Variants in COL28A1 observed in about 807,000 individuals in gnomAD.
The protein encoded by COL28A1 is collagen alpha-1(XXVIII) chain.
A neutral mutation model predicts 150.2 loss-of-function variants in COL28A1; 161 were observed. That is an observed-to-expected ratio of 1.07 (90% CI 0.94 to 1.22). The LOEUF (loss-of-function observed/expected upper bound fraction) is 1.22. Among genes scored for constraint, COL28A1 ranks in the 50% most tolerant of loss-of-function variants. The pLI is 0.00. For missense variants in COL28A1, 1,617 were observed against 1,388.3 expected, an observed-to-expected ratio of 1.16 and a Z score of -2.62; for synonymous variants, 552 against 469.7, an observed-to-expected ratio of 1.18 and a Z score of -2.26.
chr7:7,349,799 CCT>C, the COL28A1 span, among the ~76,000 whole-genome samples: 2 of 151,742 alleles, frequency 1.3e-5, no homozygotes, highest in Non-Finnish European at 2.9e-5. Context: ...GAATTTGGTC[CCT>C]GTTACTTCTT....
At chr7:7,463,800 G>GT (rs1450350684) in intron 15 of COL28A1, among the ~76,000 whole-genome samples, 1 of 152,036 alleles carries the variant, frequency 6.6e-6, no homozygotes, top group Admixed American at 6.6e-5. Context: ...ACAGTGAATG[G>GT]TACCTCACAT....
intron 23 of COL28A1, among the ~76,000 whole-genome samples, chr7:7,435,781 G>A (rs1448693916): frequency 6.6e-6 from 1 of 152,138 alleles, no homozygotes; most frequent in Non-Finnish European, 1.5e-5. Context: ...GTAACAACAT[G>A]CTATTGATTT....
intron 33 of COL28A1, among the ~76,000 whole-genome samples, chr7:7,364,188 T>G (rs1166356749): frequency 6.6e-6 from 1 of 152,184 alleles, no homozygotes; most frequent in African/African-American, 2.4e-5. Context: ...TTGTGTAGAA[T>G]TTAACCTTTA....
chr7:7,498,638 A>G (rs1402893466), intron 11 of COL28A1, among the ~76,000 whole-genome samples: 1 of 152,190 alleles, frequency 6.6e-6, no homozygotes, highest in African/African-American at 2.4e-5. Context: ...TATATATTTT[A>G]CCACAATAAA....
At chr7:7,492,825 T>A (rs563695712) in intron 11 of COL28A1, among the ~76,000 whole-genome samples, 1 of 151,414 alleles carries the variant, frequency 6.6e-6, no homozygotes, top group African/African-American at 2.4e-5. Context: ...TACAAGTCAG[T>A]CTGGCAAATA....
intron 27 of COL28A1, among the ~76,000 whole-genome samples, chr7:7,388,884 T>C (rs1782363781): frequency 6.6e-6 from 1 of 152,200 alleles, no homozygotes; most frequent in Non-Finnish European, 1.5e-5. Context: ...TCTTTGTAGA[T>C]TCTGGATATT....
chr7:7,384,291 A>G (rs1782058468), intron 27 of COL28A1, among the ~76,000 whole-genome samples: 1 of 152,186 alleles, frequency 6.6e-6, no homozygotes, highest in Admixed American at 6.5e-5. Flanking sequence ...AAGGAGGCTC[A>G]CCCAGAAGAG....
chr7:7,356,701 C>G (rs7787346), downstream of COL28A1: 113,108 of 149,666 alleles, frequency 0.76, 43,133 homozygotes, highest in East Asian at 0.87. Context: ...TGTGGGGTGG[C>G]GGGGGAGTGG....
At chr7:7,532,117 T>A (rs1469485503) in intron 2 of COL28A1, among the ~76,000 whole-genome samples, 2 of 152,132 alleles carry the variant, frequency 1.3e-5, no homozygotes, top group African/African-American at 4.8e-5. Flanking sequence ...TCATGCAAAT[T>A]AAAAATAAAT....
At position 7,459,332 on chromosome 7, in the gene COL28A1, GAACA is replaced by G. The variant is rs1787419470; in HGVS notation, c.1303-3224_1303-3221del. 3.3e-5 allele frequency among the ~76,000 whole-genome samples: 5 copies of G among 152,330 alleles called. No individual in the cohort carries two copies. The South Asian group carries it at 1.0e-3, about 32-fold the overall frequency. ...GCTGTACAGCCAGAGCTAAGAGATTGAACAAAGAATTGTATTGCATCTAAAATTC... is the reference window on the plus strand; with the variant it reads ...GCTGTACAGCCAGAGCTAAGAGATTGAAGAATTGTATTGCATCTAAAATTC... On this transcript the variant is annotated intron_variant, in intron 15 of 34. Transcript: ENST00000399429.
intron 7 of COL28A1, among the ~76,000 whole-genome samples, chr7:7,516,366 CT>C (rs2115173783): frequency 6.6e-6 from 1 of 152,310 alleles, no homozygotes; most frequent in South Asian, 2.1e-4. Context: ...TGAAAGGTTC[CT>C]TTATCAGCCC....
At chr7:7,367,830 C>A (rs1403778093) in intron 33 of COL28A1, among the ~76,000 whole-genome samples, 11 of 129,364 alleles carry the variant, frequency 8.5e-5, no homozygotes, top group Admixed American at 4.8e-4. Context: ...AAAAAAAAAA[C>A]CACCCTGCCT....
intron 33 of COL28A1, among the ~76,000 whole-genome samples, chr7:7,364,241 A>T (rs893803132): frequency 6.6e-6 from 1 of 152,196 alleles, no homozygotes; most frequent in African/African-American, 2.4e-5. Flanking sequence ...CTCCCAAAAT[A>T]TGCCACTTTG....
chr7:7,424,247 G>A (rs1480892381), intron 25 of COL28A1, among the ~76,000 whole-genome samples: 1 of 152,166 alleles, frequency 6.6e-6, no homozygotes, highest in Non-Finnish European at 1.5e-5. Context: ...GGCATTTAAT[G>A]ATCTGAGAAT....
intron 5 of COL28A1, 23 bp from the exon 6 acceptor site, chr7:7,520,138 T>A: frequency 1.9e-6 from 2 of 1,059,052 alleles, no homozygotes; most frequent in Non-Finnish European, 2.9e-6. Context: ...GGAAAAAATA[T>A]TATTTTAAGT....
At chr7:7,519,864 T>G (rs1366139721) in intron 6 of COL28A1, among the ~76,000 whole-genome samples, 198 bp downstream of exon 6, 3 of 152,222 alleles carry the variant, frequency 2.0e-5, no homozygotes, top group Non-Finnish European at 4.4e-5. Flanking sequence ...AATGTTCATA[T>G]ATGTTACTCA....
At chr7:7,438,855 G>C (rs1205584154) in intron 21 of COL28A1, among the ~76,000 whole-genome samples, 3 of 152,160 alleles carry the variant, frequency 2.0e-5, no homozygotes, top group Non-Finnish European at 4.4e-5. Flanking sequence ...CTTGAGCTAT[G>C]AACGGCTTTC....
rs893203200 is a variant in COL28A1, at chr7:7,407,646, A to C, written c.2136+10213T>G. 3.3e-5 allele frequency among the ~76,000 whole-genome samples: 5 copies of C among 152,212 alleles called. No individual in the cohort carries two copies. In the East Asian group the frequency reaches 7.7e-4, roughly 23 times the overall value. On this transcript the variant is annotated intron_variant, in intron 27 of 34. Transcript: ENST00000399429. ...ATACTTTCAGGCAAAGTAAAATGGA[A>C]AAAAATTGCTCTAGTAGACTTTTAC...
chr7:7,370,778 C>T lies in COL28A1; in HGVS notation c.3013G>A (p.Gly1005Arg), dbSNP rs1187244907. 2 of 1,613,790 alleles carry T rather than the reference C, an allele frequency of 1.2e-6. No individual in the cohort carries two copies. The highest frequency in any genetic ancestry group is 1.7e-5 in the Admixed American group (1 of 60,006). ...GGAGTAGATTCACTGAGTTCTTCCC[C>T]TGACATCCCAAATCCAGGTTGAGGT... is the stretch of plus-strand genomic sequence containing the variant. ...SSPQPGFGMS[G>R]EELSESTPEP... The change falls in exon 33 of 35, where the codon GGG (glycine) becomes AGG (arginine). Residue 1005 changes from glycine (G) to arginine (R), a missense_variant. Gly to Arg is a moderately radical substitution (Grantham distance 125). Coordinates refer to ENST00000399429, the MANE Select transcript of COL28A1 (RefSeq NM_001037763.3).
Sources: allele counts gnomAD v4.1 joint callset (sites outside exome capture counted in the v4.1 genomes callset), GRCh38; gene constraint gnomAD v4.1.1; transcripts MANE v1.5; gene names NCBI Gene and HGNC (gene_info 2026-07-23, HGNC 2026-07-21).